EXT1: variants seen among roughly 807,000 people sequenced by gnomAD.
EXT1 encodes exostosin-1.
Under a neutral mutation model 82.5 loss-of-function variants are expected in EXT1, and 20 were observed. The observed-to-expected ratio is 0.24, with a 90% CI of 0.17 to 0.35. The LOEUF is 0.35. Among genes scored for constraint, EXT1 ranks in the 10% least tolerant of loss-of-function variants. EXT1 has a pLI of 1.00. For synonymous variants in EXT1, 348 were observed against 350.8 expected (o/e 0.99, Z 0.09); for missense variants, 757 against 936.5 (o/e 0.81, Z 2.50).
chr8:117,995,042 TGA>T (rs1004596148), intron 1 of EXT1, among the ~76,000 whole-genome samples: 2 of 152,234 alleles, frequency 1.3e-5, no homozygotes, highest in Non-Finnish European at 2.9e-5. Flanking sequence ...GAAGACAAAC[TGA>T]GAGAGAGTGT....
chr8:117,907,089 T>G (rs556925848), intron 1 of EXT1, among the ~76,000 whole-genome samples: 57 of 152,356 alleles, frequency 3.7e-4, no homozygotes, highest in Non-Finnish European at 2.8e-4. Flanking sequence ...AGGATGTAGC[T>G]TTCCTCAAGG....
intron 1 of EXT1, among the ~76,000 whole-genome samples, chr8:117,919,417 C>T: frequency 6.6e-6 from 1 of 151,850 alleles, no homozygotes; most frequent in Non-Finnish European, 1.5e-5. Flanking sequence ...CTCAAACTCC[C>T]AGGCTCAAGC....
At position 118,011,367 on chromosome 8, in the gene EXT1, A is replaced by G. The variant is rs1240232559; in HGVS notation, c.962+98718T>C. ...GTAGTAGGCACCCACTAACCTTATGAACACCAGTGAATGACTAGCTGGAAT... is the reference window on the plus strand; with the variant it reads ...GTAGTAGGCACCCACTAACCTTATGGACACCAGTGAATGACTAGCTGGAAT... On this transcript the variant is annotated intron_variant, in intron 1 of 10. Coordinates refer to ENST00000378204, the MANE Select transcript of EXT1 (RefSeq NM_000127.3). Among the ~76,000 whole-genome samples, 4 of 152,188 alleles carry G rather than the reference A, an allele frequency of 2.6e-5. No individual in the cohort carries two copies. The East Asian group carries it at 7.7e-4, about 29-fold the overall frequency.
chr8:118,052,667 T>G lies in EXT1; in HGVS notation c.962+57418A>C, dbSNP rs188251322. Among the ~76,000 whole-genome samples the G allele has an allele frequency of 6.6e-5, 10 of 152,356 alleles. No individual in the cohort carries two copies. The East Asian group carries it at 1.9e-3, about 29-fold the overall frequency. On this transcript the variant is annotated intron_variant, in intron 1 of 10. Transcript: ENST00000378204. The stretch of plus-strand genomic sequence containing the variant: ...ATAGCCACCTCTCCAAAAGAAGTAC[T>G]AGTCCAAATGATTCTTGCTTTGTTC...
intron 1 of EXT1, among the ~76,000 whole-genome samples, chr8:117,841,973 C>T (rs1265126613): frequency 6.6e-6 from 1 of 152,194 alleles, no homozygotes; most frequent in African/African-American, 2.4e-5. Context: ...GCAACATCTG[C>T]ATCATCTGGG....
intron 4 of EXT1, among the ~76,000 whole-genome samples, chr8:117,826,811 A>C (rs908544993): frequency 6.6e-6 from 1 of 152,192 alleles, no homozygotes; most frequent in Admixed American, 6.5e-5. Flanking sequence ...GTTGCTAAAA[A>C]AAAATAATAA....
chr8:118,102,126 G>C (rs1817730082), intron 1 of EXT1, among the ~76,000 whole-genome samples: 1 of 151,952 alleles, frequency 6.6e-6, no homozygotes, highest in Non-Finnish European at 1.5e-5. Context: ...AATTAGCCGG[G>C]TGTGGTGGTG....
At chr8:117,933,334 C>T (rs1277070946) in intron 1 of EXT1, among the ~76,000 whole-genome samples, 1 of 151,532 alleles carries the variant, frequency 6.6e-6, no homozygotes, top group African/African-American at 2.4e-5. Flanking sequence ...GCAACCTCCA[C>T]CTCTCGGGTT....
At chr8:117,844,881 C>CA (rs1237350087) in intron 1 of EXT1, among the ~76,000 whole-genome samples, 1 of 149,762 alleles carries the variant, frequency 6.7e-6, no homozygotes, top group East Asian at 2.0e-4. Flanking sequence ...TTACTCAAGA[C>CA]AGTTTTTTGC....
chr8:118,031,189 G>T (rs1816310924), intron 1 of EXT1, among the ~76,000 whole-genome samples: 1 of 152,050 alleles, frequency 6.6e-6, no homozygotes, highest in Admixed American at 6.6e-5. Flanking sequence ...GGCCGGAGTT[G>T]CTGCAATTTC....
At chr8:118,054,652 A>C (rs1464190096) in intron 1 of EXT1, among the ~76,000 whole-genome samples, 1 of 152,214 alleles carries the variant, frequency 6.6e-6, no homozygotes, top group African/African-American at 2.4e-5. Context: ...AAAGGAGTTC[A>C]AAAGCTTTAA....
intron 1 of EXT1, among the ~76,000 whole-genome samples, chr8:118,030,231 C>A (rs1816282222): frequency 6.7e-6 from 1 of 150,062 alleles, no homozygotes. Flanking sequence ...CTATGTTTTC[C>A]CATACTTAGA....
intron 1 of EXT1, among the ~76,000 whole-genome samples, chr8:117,897,690 G>A (rs145405812): frequency 2.0e-4 from 29 of 147,458 alleles, no homozygotes; most frequent in African/African-American, 7.0e-4. Context: ...TGCCTCCTGG[G>A]TTCAAGCAAT....
intron 1 of EXT1, among the ~76,000 whole-genome samples, chr8:117,929,200 G>A (rs1415953360): frequency 1.3e-5 from 2 of 152,200 alleles, no homozygotes; most frequent in Non-Finnish European, 2.9e-5. Context: ...ACCAAGCAGT[G>A]CCTGCAACAC....
At chr8:117,833,539 C>T (rs922835374) in intron 3 of EXT1, among the ~76,000 whole-genome samples, 8 of 151,516 alleles carry the variant, frequency 5.3e-5, no homozygotes, top group Admixed American at 2.0e-4. Flanking sequence ...CGCTTAAACC[C>T]GGGAGGTGGA....
intron 1 of EXT1, among the ~76,000 whole-genome samples, chr8:117,851,479 A>G (rs1268835273): frequency 6.7e-6 from 1 of 150,260 alleles, no homozygotes; most frequent in Non-Finnish European, 1.5e-5. Flanking sequence ...AAATAACTAC[A>G]TGGGGGTTTT....
intron 1 of EXT1, among the ~76,000 whole-genome samples, chr8:118,017,757 T>C (rs752766193): frequency 6.6e-6 from 1 of 152,214 alleles, no homozygotes; most frequent in Non-Finnish European, 1.5e-5. Flanking sequence ...AGGAATCTAA[T>C]TGCCAGCTAA....
intron 1 of EXT1, among the ~76,000 whole-genome samples, chr8:118,029,164 C>T (rs1211910235): frequency 6.6e-6 from 1 of 152,168 alleles, no homozygotes; most frequent in Non-Finnish European, 1.5e-5. Context: ...GTGCCAGGCT[C>T]ATGCTTGTAA....
At chr8:118,083,398 C>A (rs749853842) in intron 1 of EXT1, among the ~76,000 whole-genome samples, 12 of 152,168 alleles carry the variant, frequency 7.9e-5, no homozygotes, top group Non-Finnish European at 1.8e-4. Flanking sequence ...ATGAATATAT[C>A]TTCTTCTTAT....
Sources: gnomAD v4.1 joint callset for allele counts (sites outside exome capture counted in the v4.1 genomes callset) on GRCh38, gnomAD v4.1.1 for gene constraint, MANE v1.5 for transcripts, NCBI Gene and HGNC (gene_info 2026-07-23, HGNC 2026-07-21) for gene names.